The following OR4F16 variants were observed in gnomAD, a reference collection of about 807,000 sequenced individuals.
The protein encoded by OR4F16 is olfactory receptor 4F3/4F16/4F29.
the OR4F16 span, among the ~76,000 whole-genome samples, chr1:679,800 T>C: frequency 3.0e-5 from 2 of 67,434 alleles, no homozygotes; most frequent in East Asian, 1.0e-3. Flanking sequence ...GAGGAGCTGG[T>C]ACCATTCCTT....
the OR4F16 span, among the ~76,000 whole-genome samples, chr1:701,358 G>A: frequency 6.7e-6 from 1 of 149,730 alleles, no homozygotes; most frequent in African/African-American, 2.5e-5. Flanking sequence ...TAAAAAATAG[G>A]AAAAATACCG....
chr1:716,957 TA>T, the OR4F16 span, among the ~76,000 whole-genome samples: 1 of 70,704 alleles, frequency 1.4e-5, no homozygotes, highest in African/African-American at 4.5e-5. Flanking sequence ...AAATAAATGA[TA>T]AAAAATGTTG....
At chr1:715,843 G>C in the OR4F16 span, among the ~76,000 whole-genome samples, 2 of 151,212 alleles carry the variant, frequency 1.3e-5, no homozygotes, top group Non-Finnish European at 1.5e-5. Flanking sequence ...AAAAAAAAAA[G>C]AAAAATCACT....
At chr1:702,558 C>T in the OR4F16 span, among the ~76,000 whole-genome samples, 452 of 69,084 alleles carry the variant, frequency 6.5e-3, 3 homozygotes, top group African/African-American at 0.024. Flanking sequence ...TTTTGTGAAT[C>T]TCATTCATAA....
At chr1:715,698 G>A in the OR4F16 span, among the ~76,000 whole-genome samples, 6 of 81,482 alleles carry the variant, frequency 7.4e-5, no homozygotes, top group East Asian at 5.5e-4. Flanking sequence ...CAAGTTTGGT[G>A]GCATGTGCCT....
upstream of OR4F16, among the ~76,000 whole-genome samples, chr1:690,165 TA>T (rs1172097340): frequency 1.4e-5 from 1 of 71,360 alleles, no homozygotes; most frequent in Non-Finnish European, 2.3e-5. Context: ...TTTTATACTA[TA>T]CAATAATATA....
the OR4F16 span, among the ~76,000 whole-genome samples, chr1:715,958 A>G: frequency 1.4e-5 from 2 of 142,692 alleles, no homozygotes; most frequent in African/African-American, 2.7e-5. Flanking sequence ...TAACAAAATT[A>G]CCACTTGATT....
At chr1:719,079 CATAATATT>C in the OR4F16 span, among the ~76,000 whole-genome samples, 1 of 53,426 alleles carries the variant, frequency 1.9e-5, no homozygotes, top group Admixed American at 2.0e-4. Context: ...ATCTGTAAGA[CATAATATT>C]ATAATTCAAA....
At chr1:715,541 TA>T in the OR4F16 span, among the ~76,000 whole-genome samples, 1 of 72,494 alleles carries the variant, frequency 1.4e-5, no homozygotes, top group Admixed American at 1.5e-4. Flanking sequence ...TAGATTTTTT[TA>T]AAAAGAAAAC....
chr1:691,124 C>A (rs1334429230), upstream of OR4F16, among the ~76,000 whole-genome samples: 1 of 151,188 alleles, frequency 6.6e-6, no homozygotes, highest in African/African-American at 2.5e-5. Flanking sequence ...AATAATACCT[C>A]CCTTGTTTGC....
the OR4F16 span, among the ~76,000 whole-genome samples, chr1:679,817 C>T: frequency 5.7e-4 from 44 of 77,494 alleles, no homozygotes; most frequent in Non-Finnish European, 1.0e-3. Flanking sequence ...CCTTCTGAAA[C>T]TATTCCAAAC....
the OR4F16 span, among the ~76,000 whole-genome samples, chr1:713,464 ATTAAT>A: frequency 5.2e-5 from 7 of 135,268 alleles, no homozygotes; most frequent in Middle Eastern, 7.1e-3. Context: ...CCATTACACT[ATTAAT>A]TTGTCATTCT....
the OR4F16 span, chr1:702,348 GGAAAAAAAA>G: frequency 6.7e-6 from 1 of 149,916 alleles, no homozygotes; most frequent in Non-Finnish European, 1.5e-5. Flanking sequence ...ACTCTGTCGG[GGAAAAAAAA>G]GAAAAAAAAA....
At chr1:680,275 G>A in the OR4F16 span, among the ~76,000 whole-genome samples, 2 of 41,626 alleles carry the variant, frequency 4.8e-5, no homozygotes, top group South Asian at 1.2e-3. Flanking sequence ...TGAAAAACTG[G>A]AAGCATTCCC....
the OR4F16 span, among the ~76,000 whole-genome samples, chr1:701,403 G>C: frequency 1.3e-5 from 2 of 149,534 alleles, no homozygotes; most frequent in African/African-American, 5.0e-5. Context: ...GAGATTTTTG[G>C]TGTCAACTAA....
At chr1:679,812 T>C in the OR4F16 span, among the ~76,000 whole-genome samples, 1 of 71,950 alleles carries the variant, frequency 1.4e-5, no homozygotes, top group East Asian at 4.7e-4. Flanking sequence ...CCATTCCTTC[T>C]GAAACTATTC....
upstream of OR4F16, among the ~76,000 whole-genome samples, chr1:690,968 A>C (rs1030344116): frequency 6.8e-6 from 1 of 147,916 alleles, no homozygotes; most frequent in Non-Finnish European, 1.5e-5. Context: ...AATTACTCTG[A>C]TTTGATCATT....
At chr1:701,240 G>C in the OR4F16 span, among the ~76,000 whole-genome samples, 1 of 146,976 alleles carries the variant, frequency 6.8e-6, no homozygotes, top group Non-Finnish European at 1.5e-5. Context: ...GAAGTCTACT[G>C]GAAAGGGCTT....
the OR4F16 span, among the ~76,000 whole-genome samples, chr1:713,446 C>G: frequency 7.7e-6 from 1 of 130,522 alleles, no homozygotes; most frequent in African/African-American, 3.8e-5. Context: ...TTGCCAAAGT[C>G]AAGTTATCCA....
Sources: gnomAD v4.1 joint callset for allele counts (sites outside exome capture counted in the v4.1 genomes callset) on GRCh38, gnomAD v4.1.1 for gene constraint, MANE v1.5 for transcripts, NCBI Gene and HGNC (gene_info 2026-07-23, HGNC 2026-07-21) for gene names.